ADGRD2: variants seen among roughly 807,000 people sequenced by gnomAD.
The protein encoded by ADGRD2 is adhesion G protein-coupled receptor D2, also known as G protein-coupled receptor PGR24.
In ADGRD2, 71 loss-of-function variants were observed where a neutral mutation model predicts 44.4. That is an observed-to-expected ratio of 1.60 (90% CI 1.32 to 1.95). ADGRD2 has a LOEUF of 1.95. ADGRD2 is among the 30% of genes most tolerant of loss of function. The probability of loss-of-function intolerance (pLI) is 0.00; values close to 1 mark genes in which losing one functional copy is unlikely to be tolerated. For missense variants in ADGRD2, 1,039 were observed against 512.4 expected, an observed-to-expected ratio of 2.03 and a Z score of -9.92; for synonymous variants, 481 against 224.8, an observed-to-expected ratio of 2.14 and a Z score of -10.19.
chr9:124,451,361 C>T, upstream of ADGRD2: 1 of 395,410 alleles, frequency 2.5e-6, no homozygotes, highest in Admixed American at 2.8e-5. Flanking sequence ...GCCTCCCCCT[C>T]TCCCAGCTCT....
intron 21 of ADGRD2, chr9:124,476,960 A>T (rs775931795): frequency 1.4e-6 from 1 of 694,174 alleles, no homozygotes; most frequent in South Asian, 1.5e-5. Flanking sequence ...TGCCAAGAGC[A>T]CAACCTGCCT....
At chr9:124,453,108 G>T in exon 3 of ADGRD2, 1 of 700,796 alleles carries the variant, frequency 1.4e-6, no homozygotes. Flanking sequence ...GGAGCCCTCT[G>T]CCTGAGCTGG....
chr9:124,457,005 C>T (rs1324898665), intron 7 of ADGRD2, among the ~76,000 whole-genome samples: 1 of 152,202 alleles, frequency 6.6e-6, no homozygotes, highest in Non-Finnish European at 1.5e-5. Flanking sequence ...GCCTCTGTTA[C>T]CCCAGAACCT....
exon 2 of ADGRD2, chr9:124,452,600 C>T (rs563352580): frequency 1.9e-4 from 138 of 718,494 alleles, no homozygotes; most frequent in Non-Finnish European, 2.9e-4. Flanking sequence ...GCCCAAGAGT[C>T]CTGCGAGCAG....
chr9:124,469,401 G>T (rs1831900124), intron 15 of ADGRD2, 31 bp from the exon 19 acceptor site: 1 of 718,196 alleles, frequency 1.4e-6, no homozygotes, highest in East Asian at 2.7e-5. Flanking sequence ...GGATGGGGAA[G>T]TCCTCTTGCC....
intron 6 of ADGRD2, among the ~76,000 whole-genome samples, chr9:124,455,860 G>C (rs2131231883): frequency 6.6e-6 from 1 of 152,308 alleles, no homozygotes; most frequent in South Asian, 2.1e-4. Context: ...CCCAGAGCAG[G>C]GAGGGAACGA....
rs1831570749 is a variant in ADGRD2 at position 124,454,305 on chromosome 9, T to C, written c.1023-179T>C. On this transcript the variant is annotated intron_variant, in intron 4 of 21. Transcript: ENST00000334810. This position sits in a 1 kb window ranked among gnomAD's most constrained non-coding sequence, Gnocchi z 4.5. ...TTGTGTGACCTTGGGCAAGCTCTTT[T>C]GCCATTCTGTGCCTCAGTTTCCCCA... 6.6e-6 allele frequency among the ~76,000 whole-genome samples: 1 copy of C among 152,196 alleles called. No homozygotes were observed.
At chr9:124,467,886 A>G (rs1467960049) in intron 12 of ADGRD2, 62 bp downstream of exon 15, 2 of 714,856 alleles carry the variant, frequency 2.8e-6, no homozygotes, top group East Asian at 2.7e-5. Flanking sequence ...TCAGGCCTCC[A>G]TGTCCCCATT....
chr9:124,451,951 G>A, upstream of ADGRD2: 1 of 649,312 alleles, frequency 1.5e-6, no homozygotes, highest in African/African-American at 1.8e-5. Context: ...TGAGTGGTGG[G>A]ATTTGAATCC....
At chr9:124,451,232 A>G (rs980481835), upstream of ADGRD2, 6 of 471,314 alleles carry the variant, frequency 1.3e-5, no homozygotes. Flanking sequence ...AGGCCTGATG[A>G]AGCAGAACCT....
chr9:124,472,727 T>C (rs939644964), intron 17 of ADGRD2, among the ~76,000 whole-genome samples: 2 of 152,154 alleles, frequency 1.3e-5, no homozygotes, highest in South Asian at 2.1e-4. Context: ...AGGTTGGTCT[T>C]GAACTCCTAA....
At chr9:124,452,468 C>A (rs1206943685) in intron 1 of ADGRD2, 42 bp from the exon 5 acceptor site, 1 of 717,898 alleles carries the variant, frequency 1.4e-6, no homozygotes, top group East Asian at 2.7e-5. Context: ...GAGTCAGATG[C>A]CCACAAAATG....
rs575892742 is a variant in ADGRD2 at position 124,453,687 on chromosome 9, C to A, written c.923+11C>A. On this transcript the variant is annotated intron_variant, in intron 3 of 21. Coordinates refer to ENST00000334810, the Ensembl canonical transcript of ADGRD2. ...GCCTTCTCTGTCCCGGTACGACCCG[C>A]CCCGCCCCGGCCCCACCCCATGGCC... 64 of 682,648 alleles carry A rather than the reference C, an allele frequency of 9.4e-5. No individual in the cohort carries two copies. In the African/African-American group the frequency reaches 1.0e-3, roughly 11 times the overall value. The allele number at this position is 682,648 out of a possible 1,614,324, so 42.3% of individuals were successfully genotyped here.
chr9:124,453,132 G>T, exon 3 of ADGRD2: 1 of 701,758 alleles, frequency 1.4e-6, no homozygotes. Context: ...CGCTGACCGC[G>T]TGTACTCACG....
At position 124,453,998 on chromosome 9, in the gene ADGRD2, G is replaced by A. The variant is rs1312653521; in HGVS notation, c.924-1G>A. On this transcript the variant is annotated splice_acceptor_variant, in intron 3 of 21. Coordinates refer to ENST00000334810, the Ensembl canonical transcript of ADGRD2. LOFTEE classifies it high-confidence loss of function. ...CCTGACAGCTCCCCTGCCCCTGCCAGTGCCCTCCGAGGAGTGCCCTACGTG... is the reference window on the plus strand; with the variant it reads ...CCTGACAGCTCCCCTGCCCCTGCCAATGCCCTCCGAGGAGTGCCCTACGTG... 8 of 686,456 alleles carry A rather than the reference G, an allele frequency of 1.2e-5. No homozygotes were observed. Among genetic ancestry groups the A allele is most frequent in the Non-Finnish European group, 1.9e-5 (7 of 372,500 alleles). 42.5% of individuals were successfully genotyped at this position (686,456 alleles called of 1,614,324 possible). A position where few individuals can be genotyped will look rare whatever the true frequency, so the allele number is the denominator to read the frequency against.
At chr9:124,459,425 C>A (rs932151977) in intron 10 of ADGRD2, among the ~76,000 whole-genome samples, 2 of 151,514 alleles carry the variant, frequency 1.3e-5, no homozygotes, top group African/African-American at 4.9e-5. Context: ...ACCCAGGAGG[C>A]GGAGGTTGTA....
chr9:124,453,666 T>G (rs776641169), exon 3 of ADGRD2: 2 of 700,282 alleles, frequency 2.9e-6, no homozygotes, highest in Non-Finnish European at 5.2e-6. Flanking sequence ...GGGTGCGCCT[T>G]CTCTGTCCCG....
exon 6 of ADGRD2, chr9:124,455,033 C>G (rs1279088988): frequency 1.4e-6 from 1 of 718,302 alleles, no homozygotes; most frequent in East Asian, 2.7e-5. Context: ...CTGTTGTTGA[C>G]AGGCCCCTGG....
At chr9:124,463,637 G>T (rs1354083211) in intron 10 of ADGRD2, among the ~76,000 whole-genome samples, 1 of 152,036 alleles carries the variant, frequency 6.6e-6, no homozygotes, top group Admixed American at 6.6e-5. Context: ...AGGTTATTTG[G>T]GTGTTTTATT....
Sources: gnomAD v4.1 joint callset for allele counts (sites outside exome capture counted in the v4.1 genomes callset) on GRCh38, gnomAD v4.1.1 for gene constraint, Gnocchi (gnomAD v3.1) non-coding constraint, MANE v1.5 for transcripts, NCBI Gene and HGNC (gene_info 2026-07-23, HGNC 2026-07-21) for gene names.